ASCC1: variants seen among roughly 807,000 people sequenced by gnomAD.
ASCC1 encodes the protein activating signal cointegrator 1 complex subunit 1.
In ASCC1, 35 loss-of-function variants were observed where a neutral mutation model predicts 46.6. That is an observed-to-expected ratio of 0.75 (90% CI 0.57 to 0.99). ASCC1 has a LOEUF of 0.99. Ranked by LOEUF, ASCC1 falls within the 50% of genes least tolerant of loss-of-function variation. ASCC1 has a pLI of 0.00. For synonymous variants in ASCC1, 143 were observed against 146.6 expected, an observed-to-expected ratio of 0.98 and a Z score of 0.18; for missense variants, 376 against 428.7, an observed-to-expected ratio of 0.88 and a Z score of 1.09.
chr10:72,195,427 A>C (rs899051844), intron 5 of ASCC1, among the ~76,000 whole-genome samples: 1 of 152,042 alleles, frequency 6.6e-6, no homozygotes, highest in Non-Finnish European at 1.5e-5. Flanking sequence ...TTGTGATTAG[A>C]GGCATGAGCC....
intron 9 of ASCC1, among the ~76,000 whole-genome samples, chr10:72,116,018 T>C (rs1050924368): frequency 2.0e-5 from 3 of 152,272 alleles, no homozygotes; most frequent in Non-Finnish European, 4.4e-5. Context: ...ATCGTAAACA[T>C]TGCAAAAAGA....
intron 5 of ASCC1, among the ~76,000 whole-genome samples, chr10:72,191,478 C>A (rs534346460): frequency 6.6e-6 from 1 of 151,180 alleles, no homozygotes; most frequent in South Asian, 2.1e-4. Context: ...AAAATAAATT[C>A]TTTAAAAGAA....
At chr10:72,171,618 T>C (rs1851095370) in intron 5 of ASCC1, among the ~76,000 whole-genome samples, 1 of 152,158 alleles carries the variant, frequency 6.6e-6, no homozygotes, top group Non-Finnish European at 1.5e-5. Context: ...GGTTTCACCA[T>C]GTTGGCCAGG....
intron 8 of ASCC1, among the ~76,000 whole-genome samples, chr10:72,132,789 C>T (rs1031332876): frequency 6.7e-6 from 1 of 150,106 alleles, no homozygotes; most frequent in African/African-American, 2.4e-5. Context: ...AAAATTTATT[C>T]ACTGTTTATA....
chr10:72,169,813 G>T (rs1179591548), intron 5 of ASCC1, among the ~76,000 whole-genome samples: 3 of 152,120 alleles, frequency 2.0e-5, no homozygotes, highest in African/African-American at 4.8e-5. Context: ...ACTAGAGGGG[G>T]TTAAGAAAGA....
At chr10:72,144,436 A>G (rs918931923) in intron 7 of ASCC1, among the ~76,000 whole-genome samples, 1 of 152,262 alleles carries the variant, frequency 6.6e-6, no homozygotes, top group Non-Finnish European at 1.5e-5. Context: ...ATCTAATCCT[A>G]TATTTTCTTA....
intron 8 of ASCC1, among the ~76,000 whole-genome samples, chr10:72,129,137 A>G (rs1845250377): frequency 6.6e-6 from 1 of 152,248 alleles, no homozygotes; most frequent in South Asian, 2.1e-4. Context: ...GGAGTTGCAC[A>G]TGGGTAACTA....
chr10:72,104,099 A>G (rs917996555), intron 9 of ASCC1, among the ~76,000 whole-genome samples: 7 of 152,178 alleles, frequency 4.6e-5, no homozygotes, highest in Non-Finnish European at 1.5e-5. Flanking sequence ...CTCCTACAAA[A>G]TAAAGGCAAA....
At position 72,197,002 on chromosome 10, in the gene ASCC1, AAG is replaced by A. The variant is rs774663258; in HGVS notation, c.311-15_311-14del. 1 of 1,613,456 alleles carries A rather than the reference AAG, an allele frequency of 6.2e-7. No homozygotes were observed. The highest frequency in any genetic ancestry group is 1.7e-5 in the Admixed American group (1 of 60,018). ...TGGCCAGTGATTACTGTAAACAAAG[AAG>A]AAAGGGTAAACTGCTCAAGGACCCC... On this transcript the variant is annotated splice_polypyrimidine_tract_variant and intron_variant, in intron 4 of 9. Coordinates refer to ENST00000672957, the MANE Select transcript of ASCC1 (RefSeq NM_001198800.3).
Position 72,096,155 on chromosome 10 carries a change from A to G in ASCC1, c.*1179T>C. The G allele has an allele frequency of 2.2e-6, 1 of 454,172 alleles. No individual in the cohort carries two copies. Among genetic ancestry groups the G allele is most frequent in the Non-Finnish European group, 4.4e-6 (1 of 226,796 alleles). The allele number at this position is 454,172 out of a possible 1,614,324, so 28.1% of individuals were successfully genotyped here. A position where few individuals can be genotyped will look rare whatever the true frequency, so the allele number is the denominator to read the frequency against. ...TCAGAAGTGCAGTTAAAGAATATAA[A>G]GAGAGAAAGAATCAAGGCAAGAATA... On this transcript the variant is annotated 3_prime_UTR_variant, in exon 10 of 10. Transcript: ENST00000672957.
intron 9 of ASCC1, among the ~76,000 whole-genome samples, chr10:72,105,639 T>C (rs1266641791): frequency 6.6e-6 from 1 of 152,234 alleles, no homozygotes; most frequent in African/African-American, 2.4e-5. Context: ...ACCATCCTGC[T>C]GTCCCCTGCT....
At chr10:72,116,814 C>G (rs1256964799) in intron 9 of ASCC1, among the ~76,000 whole-genome samples, 1 of 152,160 alleles carries the variant, frequency 6.6e-6, no homozygotes, top group Admixed American at 6.5e-5. Context: ...AGCTTGCCAG[C>G]CAGGCACAGT....
At chr10:72,174,714 T>C (rs1368213037) in intron 5 of ASCC1, among the ~76,000 whole-genome samples, 1 of 152,224 alleles carries the variant, frequency 6.6e-6, no homozygotes, top group East Asian at 1.9e-4. Flanking sequence ...TAACAAACGT[T>C]TGTGCCTTTA....
intron 4 of ASCC1, among the ~76,000 whole-genome samples, chr10:72,200,390 C>T (rs1416085021): frequency 6.6e-6 from 1 of 151,930 alleles, no homozygotes; most frequent in East Asian, 1.9e-4. Context: ...GTGGCTCATA[C>T]CTGTAATACC....
chr10:72,121,388 T>A (rs1383051743), intron 9 of ASCC1, among the ~76,000 whole-genome samples: 2 of 151,820 alleles, frequency 1.3e-5, no homozygotes, highest in Non-Finnish European at 2.9e-5. Context: ...CAAGTGATCC[T>A]CCCACATGGG....
chr10:72,109,070 G>C (rs748805816), intron 9 of ASCC1, among the ~76,000 whole-genome samples: 3 of 152,186 alleles, frequency 2.0e-5, no homozygotes, highest in Non-Finnish European at 4.4e-5. Context: ...TCAGACTGCA[G>C]TGATCAGTGG....
intron 7 of ASCC1, among the ~76,000 whole-genome samples, chr10:72,135,883 C>T (rs544086904): frequency 1.3e-5 from 2 of 152,308 alleles, no homozygotes; most frequent in East Asian, 1.9e-4. Context: ...GAACACAATA[C>T]ATTCAAGGAC....
chr10:72,173,624 C>T (rs550392877), intron 5 of ASCC1, among the ~76,000 whole-genome samples: 2 of 152,298 alleles, frequency 1.3e-5, no homozygotes, highest in South Asian at 4.1e-4. Flanking sequence ...AAATTCTGCC[C>T]TACCTCACAA....
intron 5 of ASCC1, among the ~76,000 whole-genome samples, chr10:72,177,174 C>T (rs1450247166): frequency 6.6e-6 from 1 of 152,144 alleles, no homozygotes; most frequent in Non-Finnish European, 1.5e-5. Flanking sequence ...AAACTAGTAT[C>T]TCCACCGAAA....
Sources: gnomAD v4.1 joint callset for allele counts (sites outside exome capture counted in the v4.1 genomes callset) on GRCh38, gnomAD v4.1.1 for gene constraint, MANE v1.5 for transcripts, NCBI Gene and HGNC (gene_info 2026-07-23, HGNC 2026-07-21) for gene names.